The following NRXN1 variants were observed in gnomAD, a reference collection of about 807,000 sequenced individuals.
NRXN1 encodes neurexin-1.
A neutral mutation model predicts 150.9 loss-of-function variants in NRXN1; 39 were observed. That is an observed-to-expected ratio of 0.26 (90% CI 0.20 to 0.34). NRXN1 has a LOEUF of 0.34. NRXN1 is among the 10% of genes least tolerant of loss of function. NRXN1 has a pLI of 1.00. For synonymous variants in NRXN1, 924 were observed against 757.0 expected (o/e 1.22, Z -3.62); for missense variants, 1,815 against 1,949.9 (o/e 0.93, Z 1.30).
intron 5 of NRXN1, among the ~76,000 whole-genome samples, chr2:50,869,287 T>C (rs1213578946): frequency 1.3e-5 from 2 of 151,756 alleles, no homozygotes; most frequent in Non-Finnish European, 2.9e-5. Flanking sequence ...AGGCTGAAAT[T>C]ACTATTTATG....
chr2:50,929,760 C>T (rs1420457091), intron 2 of NRXN1, among the ~76,000 whole-genome samples: 3 of 152,106 alleles, frequency 2.0e-5, no homozygotes, highest in African/African-American at 7.2e-5. Context: ...CTGTACTCCT[C>T]ATTTTGGAGA....
intron 5 of NRXN1, among the ~76,000 whole-genome samples, chr2:50,805,497 A>T (rs529356622): frequency 1.3e-5 from 2 of 152,168 alleles, no homozygotes; most frequent in East Asian, 3.9e-4. Flanking sequence ...TTACTAAAAA[A>T]ATACAAAAAT....
intron 17 of NRXN1, among the ~76,000 whole-genome samples, chr2:50,299,312 C>T (rs2073933129): frequency 6.6e-6 from 1 of 152,016 alleles, no homozygotes; most frequent in Non-Finnish European, 1.5e-5. Flanking sequence ...TACATTTATC[C>T]CATATATGCA....
intron 21 of NRXN1, among the ~76,000 whole-genome samples, chr2:49,961,042 A>T (rs1359528062): frequency 6.6e-6 from 1 of 152,132 alleles, no homozygotes; most frequent in Non-Finnish European, 1.5e-5. Context: ...AATTAAATAA[A>T]TGATTTATTT....
intron 12 of NRXN1, among the ~76,000 whole-genome samples, chr2:50,527,846 G>T (rs759506): frequency 9.9e-5 from 15 of 152,264 alleles, no homozygotes; most frequent in East Asian, 5.8e-4. Flanking sequence ...TTAAATTGCT[G>T]ATGACTTTGT....
intron 17 of NRXN1, among the ~76,000 whole-genome samples, chr2:50,269,965 TAAAAC>T (rs1477557923): frequency 6.6e-6 from 1 of 152,146 alleles, no homozygotes; most frequent in Non-Finnish European, 1.5e-5. Flanking sequence ...CACATTCTGT[TAAAAC>T]AAAATTAAAT....
intron 2 of NRXN1, among the ~76,000 whole-genome samples, chr2:50,992,844 G>C (rs370505943): frequency 6.6e-6 from 1 of 152,026 alleles, no homozygotes; most frequent in African/African-American, 2.4e-5. Flanking sequence ...TATTGGTAGA[G>C]ACTGATGGGT....
chr2:50,914,784 G>GA (rs1198788904), intron 5 of NRXN1, among the ~76,000 whole-genome samples: 1 of 151,546 alleles, frequency 6.6e-6, no homozygotes, highest in Non-Finnish European at 1.5e-5. Context: ...CTATGAGAAA[G>GA]AAAAAATATC....
chr2:50,435,263 A>G (rs989335942), intron 17 of NRXN1, among the ~76,000 whole-genome samples: 2 of 152,160 alleles, frequency 1.3e-5, no homozygotes, highest in Non-Finnish European at 2.9e-5. Context: ...GTCACCTGCA[A>G]ATCGGGGATA....
At chr2:49,966,777 T>C (rs948994363) in intron 21 of NRXN1, 13 of 152,068 alleles carry the variant, frequency 8.5e-5, no homozygotes, top group African/African-American at 2.4e-5. Flanking sequence ...CTGATAGCAG[T>C]TGTAAGGGTA....
intron 8 of NRXN1, among the ~76,000 whole-genome samples, chr2:50,602,789 C>A (rs554189052): frequency 2.6e-5 from 4 of 152,200 alleles, no homozygotes; most frequent in Admixed American, 6.5e-5. Flanking sequence ...ATCTCTTCCA[C>A]TGGCATTTTA....
At position 49,921,952 on chromosome 2, in the gene NRXN1, A is replaced by C; in HGVS notation, c.4516T>G (p.Tyr1506Asp). The change falls in exon 23 of 23, where the codon TAT (tyrosine) becomes GAT (aspartate). Residue 1506 changes from tyrosine (Y) to aspartate (D), a missense_variant. Transcript: ENST00000401669. Reference protein sequence around the residue: ...KNKKNKDKEYYV With the variant: ...KNKKNKDKEYDV ...CATTTAAGATCTTGGGATCAGACAT[A>C]ATACTCTTTATCCTTGTTTTTCTTA... is the stretch of plus-strand genomic sequence containing the variant. 1 of 1,614,086 alleles carries C rather than the reference A, an allele frequency of 6.2e-7. No individual in the cohort carries two copies. The highest frequency in any genetic ancestry group is 8.5e-7 in the Non-Finnish European group (1 of 1,179,956).
chr2:51,004,545 A>G (rs1700466818), intron 2 of NRXN1, among the ~76,000 whole-genome samples: 1 of 151,990 alleles, frequency 6.6e-6, no homozygotes. Context: ...TAGGAGGCTG[A>G]GACAGGAGAA....
chr2:50,485,328 A>C (rs2090788444), intron 15 of NRXN1, among the ~76,000 whole-genome samples: 1 of 152,190 alleles, frequency 6.6e-6, no homozygotes, highest in African/African-American at 2.4e-5. Flanking sequence ...GAAATAATAA[A>C]AATAAAATGG....
chr2:50,716,100 T>C (rs1172017531), intron 5 of NRXN1, among the ~76,000 whole-genome samples: 1 of 152,154 alleles, frequency 6.6e-6, no homozygotes, highest in African/African-American at 2.4e-5. Flanking sequence ...TAAATGAAAA[T>C]GTAATGACTA....
chr2:50,137,743 T>C (rs1047453463), intron 18 of NRXN1, among the ~76,000 whole-genome samples: 12 of 152,156 alleles, frequency 7.9e-5, no homozygotes, highest in Non-Finnish European at 7.3e-5. Context: ...TCAATTTTGA[T>C]TGGAAGTAAA....
At chr2:49,987,369 A>T (rs1298886627) in intron 21 of NRXN1, among the ~76,000 whole-genome samples, 1 of 152,194 alleles carries the variant, frequency 6.6e-6, no homozygotes, top group Non-Finnish European at 1.5e-5. Flanking sequence ...AGACTTCTAG[A>T]TCATATTTTG....
chr2:50,099,049 T>C (rs1019641786), intron 18 of NRXN1, among the ~76,000 whole-genome samples: 2 of 152,172 alleles, frequency 1.3e-5, no homozygotes, highest in Middle Eastern at 3.4e-3. Flanking sequence ...TTTTCTAATA[T>C]GTCTCCATCC....
At chr2:49,928,101 T>G (rs1290855128) in intron 22 of NRXN1, among the ~76,000 whole-genome samples, 1 of 150,124 alleles carries the variant, frequency 6.7e-6, no homozygotes, top group Admixed American at 6.6e-5. Context: ...TCTTAGGAAA[T>G]AATAAAGAAA....
Sources: allele counts gnomAD v4.1 joint callset (sites outside exome capture counted in the v4.1 genomes callset), GRCh38; gene constraint gnomAD v4.1.1; transcripts MANE v1.5; gene names NCBI Gene and HGNC (gene_info 2026-07-23, HGNC 2026-07-21).